Variants in ABTB2 observed in about 807,000 individuals in gnomAD.
The protein encoded by ABTB2 is ankyrin repeat and BTB/POZ domain-containing protein 2.
In ABTB2, 56 loss-of-function variants were observed where a neutral mutation model predicts 104.1. The observed-to-expected ratio is 0.54, with a 90% CI of 0.43 to 0.67. The LOEUF is 0.67. Among genes scored for constraint, ABTB2 ranks in the 30% least tolerant of loss-of-function variants. The pLI, the probability that ABTB2 is intolerant of heterozygous loss-of-function variation, is 0.00. For missense variants in ABTB2, 1,279 were observed against 1,407.7 expected, an observed-to-expected ratio of 0.91 and a Z score of 1.46; for synonymous variants, 606 against 608.2, an observed-to-expected ratio of 1.00 and a Z score of 0.05.
intron 1 of ABTB2, among the ~76,000 whole-genome samples, chr11:34,333,966 T>G (rs1451335142): frequency 1.4e-5 from 2 of 146,280 alleles, no homozygotes; most frequent in African/African-American, 5.1e-5. Context: ...CTGATGTGTC[T>G]CAAACATCTT....
At chr11:34,185,194 T>G (rs1590210462) in intron 3 of ABTB2, among the ~76,000 whole-genome samples, 1 of 152,208 alleles carries the variant, frequency 6.6e-6, no homozygotes, top group East Asian at 1.9e-4. Flanking sequence ...TTCTAGAAAC[T>G]TCTAGGAAGA....
At chr11:34,160,214 G>A (rs371809150) in intron 12 of ABTB2, 34 bp downstream of exon 12, 2 of 1,536,012 alleles carry the variant, frequency 1.3e-6, no homozygotes, top group Admixed American at 1.7e-5. Context: ...GGGAGGACGT[G>A]TGGTGATGCA....
chr11:34,311,876 C>T (rs572787416), intron 1 of ABTB2, among the ~76,000 whole-genome samples: 6 of 152,340 alleles, frequency 3.9e-5, no homozygotes, highest in Admixed American at 3.9e-4. Context: ...CATGGTGGCT[C>T]ACACCTGTAA....
rs547741253 is a variant in ABTB2, at chr11:34,301,312, A to T, written c.883+55389T>A. Among the ~76,000 whole-genome samples, 185 of 151,370 alleles carry T rather than the reference A, an allele frequency of 1.2e-3. 2 individuals carry two copies. Among genetic ancestry groups the T allele is most frequent in the African/African-American group, 3.4e-3 (138 of 40,938 alleles). ...CATCATCTTGCCATTAAATGAATTT[A>T]AAAAAAAATTGTGTTTTCAGGTCCT... is the stretch of plus-strand genomic sequence containing the variant. On this transcript the variant is annotated intron_variant, in intron 1 of 16. Coordinates refer to ENST00000435224, the MANE Select transcript of ABTB2 (RefSeq NM_145804.3).
intron 13 of ABTB2, among the ~76,000 whole-genome samples, chr11:34,159,614 G>A (rs576784587): frequency 1.3e-5 from 2 of 152,312 alleles, no homozygotes; most frequent in South Asian, 4.1e-4. Context: ...GCGACCTGAC[G>A]CCTGTGGCCA....
At position 34,154,901 on chromosome 11, in the gene ABTB2, T is replaced by C. The variant is rs1180033502; in HGVS notation, c.2698-132A>G. On this transcript the variant is annotated intron_variant, in intron 14 of 16. Transcript: ENST00000435224. The surrounding 1 kb of genome is among the most constrained non-coding windows in gnomAD (Gnocchi z 4.9). ...CTCTGCAGGTCCCCAGCTCTGTCTC[T>C]CCCTCCCTCTCCTGCTCAGGCTGAG... The C allele has an allele frequency of 1.9e-5, 15 of 772,746 alleles. No homozygotes were observed. The highest frequency in any genetic ancestry group is 3.5e-5 in the African/African-American group (2 of 57,406). 47.9% of individuals were successfully genotyped at this position (772,746 alleles called of 1,614,324 possible). A position where few individuals can be genotyped will look rare whatever the true frequency, so the allele number is the denominator to read the frequency against.
intron 1 of ABTB2, among the ~76,000 whole-genome samples, chr11:34,331,683 T>C (rs578158895): frequency 6.6e-6 from 1 of 152,312 alleles, no homozygotes; most frequent in East Asian, 1.9e-4. Flanking sequence ...AGTTGATAAA[T>C]GAATCTTCCC....
intron 1 of ABTB2, among the ~76,000 whole-genome samples, chr11:34,253,569 G>C (rs570651788): frequency 6.6e-6 from 1 of 152,034 alleles, no homozygotes; most frequent in Non-Finnish European, 1.5e-5. Context: ...CCAGCTACTC[G>C]GGAGGCTGAG....
intron 9 of ABTB2, 124 bp downstream of exon 9, chr11:34,164,562 A>G: frequency 8.4e-7 from 1 of 1,186,350 alleles, no homozygotes; most frequent in Non-Finnish European, 1.1e-6. Context: ...ACTAGCACAC[A>G]GGCCCCCTGT....
At chr11:34,260,722 A>G (rs915927570) in intron 1 of ABTB2, among the ~76,000 whole-genome samples, 35 of 152,210 alleles carry the variant, frequency 2.3e-4, no homozygotes, top group African/African-American at 8.2e-4. Flanking sequence ...AGATGTGAAT[A>G]TGGAAGCCCA....
chr11:34,344,663 G>A (rs1484397673), intron 1 of ABTB2, among the ~76,000 whole-genome samples: 1 of 152,094 alleles, frequency 6.6e-6, no homozygotes, highest in African/African-American at 2.4e-5. Context: ...TACCTGGCTA[G>A]TTTTTGTATT....
At chr11:34,334,641 T>C (rs1446510734) in intron 1 of ABTB2, among the ~76,000 whole-genome samples, 14 of 152,132 alleles carry the variant, frequency 9.2e-5, no homozygotes, top group African/African-American at 3.4e-4. Context: ...CTCCCTCCCC[T>C]AATCCTTCCC....
intron 1 of ABTB2, among the ~76,000 whole-genome samples, chr11:34,303,071 C>G (rs1277311004): frequency 6.6e-6 from 1 of 152,196 alleles, no homozygotes; most frequent in African/African-American, 2.4e-5. Flanking sequence ...CCACAGAACA[C>G]TTTCTCAGGT....
chr11:34,166,352 G>A (rs1427908072), intron 7 of ABTB2, among the ~76,000 whole-genome samples: 2 of 152,212 alleles, frequency 1.3e-5, no homozygotes, highest in Non-Finnish European at 2.9e-5. Context: ...CCGTGGAGGC[G>A]GGGGCCTGCT....
intron 1 of ABTB2, among the ~76,000 whole-genome samples, chr11:34,258,557 G>A (rs1019267296): frequency 1.3e-5 from 2 of 151,020 alleles, no homozygotes; most frequent in Admixed American, 1.3e-4. Flanking sequence ...GTTAAAATAT[G>A]CACAGTCCTT....
chr11:34,331,925 G>T (rs546935975), intron 1 of ABTB2, among the ~76,000 whole-genome samples: 3 of 152,336 alleles, frequency 2.0e-5, no homozygotes, highest in East Asian at 3.9e-4. Flanking sequence ...CCTGGTGAGA[G>T]TCCCAAGGAT....
At chr11:34,210,035 C>A (rs1853462312) in intron 1 of ABTB2, among the ~76,000 whole-genome samples, 2 of 152,036 alleles carry the variant, frequency 1.3e-5, no homozygotes, top group Admixed American at 1.3e-4. Context: ...CGCCTTCTTG[C>A]CAGTTGCCAA....
At chr11:34,337,497 A>G (rs1855205651) in intron 1 of ABTB2, among the ~76,000 whole-genome samples, 1 of 152,252 alleles carries the variant, frequency 6.6e-6, no homozygotes, top group Non-Finnish European at 1.5e-5. Flanking sequence ...TTGACCCAAT[A>G]GCCTAATGCT....
chr11:34,255,838 TC>T lies in ABTB2; in HGVS notation c.884-51149del, dbSNP rs113202459. ...GCCCAGAAATTAAATACATTTTTTT[TC>T]CCCTCCTCTACCGGTCTTATCCGAG... On this transcript the variant is annotated intron_variant, in intron 1 of 16. Transcript: ENST00000435224. Among the ~76,000 whole-genome samples the T allele has an allele frequency of 2.6e-5, 4 of 152,258 alleles. No individual in the cohort carries two copies. In the East Asian group the frequency reaches 5.8e-4, roughly 22 times the overall value.
Sources: allele counts gnomAD v4.1 joint callset (sites outside exome capture counted in the v4.1 genomes callset), GRCh38; gene constraint gnomAD v4.1.1; non-coding constraint Gnocchi (gnomAD v3.1); transcripts MANE v1.5; gene names NCBI Gene and HGNC (gene_info 2026-07-23, HGNC 2026-07-21).